TAFA1: variants seen among roughly 807,000 people sequenced by gnomAD.
The protein encoded by TAFA1 is TAFA chemokine like family member 1.
TAFA1 carries 4 observed loss-of-function variants against 18.5 expected under a neutral mutation model. That is an observed-to-expected ratio of 0.22 (90% CI 0.11 to 0.49). The LOEUF (loss-of-function observed/expected upper bound fraction) is 0.49. Ranked by LOEUF, TAFA1 falls within the 20% of genes least tolerant of loss-of-function variation. The pLI is 0.98. For synonymous variants in TAFA1, 56 were observed against 55.2 expected, an observed-to-expected ratio of 1.01 and a Z score of -0.06; for missense variants, 147 against 169.0, an observed-to-expected ratio of 0.87 and a Z score of 0.72.
chr3:68,466,742 T>C (rs532467524), intron 3 of TAFA1, among the ~76,000 whole-genome samples: 9 of 152,328 alleles, frequency 5.9e-5, no homozygotes, highest in Middle Eastern at 3.4e-3. Flanking sequence ...GGGGCAGTCA[T>C]ACTAAGATCA....
At chr3:68,433,629 C>G (rs1327715609) in intron 3 of TAFA1, among the ~76,000 whole-genome samples, 1 of 152,088 alleles carries the variant, frequency 6.6e-6, no homozygotes, top group Non-Finnish European at 1.5e-5. Context: ...TAATTCATGT[C>G]TTTTGTACTT....
rs201779002 is a variant in TAFA1 at position 68,147,021 on chromosome 3, G to A, written c.118+140277G>A. On this transcript the variant is annotated intron_variant, in intron 2 of 4. Transcript: ENST00000478136. Reference sequence around the variant, plus strand: ...ACCTCTTGTGTGTGTATATATATATGTGTGTGTGTGTGTGTGTGTATATAT... The same window carrying A: ...ACCTCTTGTGTGTGTATATATATATATGTGTGTGTGTGTGTGTGTATATAT... 1.6e-4 allele frequency among the ~76,000 whole-genome samples: 23 copies of A among 146,244 alleles called. No individual in the cohort carries two copies. The South Asian group carries it at 3.4e-3, about 22-fold the overall frequency.
intron 2 of TAFA1, among the ~76,000 whole-genome samples, chr3:68,331,075 G>T: frequency 6.6e-6 from 1 of 151,732 alleles, no homozygotes. Context: ...ACCAAAATGT[G>T]GTATATCCAT....
intron 3 of TAFA1, among the ~76,000 whole-genome samples, chr3:68,476,171 G>T (rs1176986328): frequency 1.3e-5 from 2 of 152,138 alleles, no homozygotes; most frequent in Non-Finnish European, 2.9e-5. Context: ...TGACAAATAG[G>T]ATCTAATTAA....
At chr3:68,501,491 A>T (rs553121758) in intron 3 of TAFA1, among the ~76,000 whole-genome samples, 1 of 152,336 alleles carries the variant, frequency 6.6e-6, no homozygotes, top group South Asian at 2.1e-4. Context: ...CATACTTATA[A>T]AATACTTACT....
At chr3:68,224,917 T>C (rs1006176542) in intron 2 of TAFA1, among the ~76,000 whole-genome samples, 3 of 132,294 alleles carry the variant, frequency 2.3e-5, no homozygotes, top group African/African-American at 8.6e-5. Context: ...TTTTTTTTTT[T>C]TTTTTTTTTG....
intron 3 of TAFA1, among the ~76,000 whole-genome samples, chr3:68,447,946 A>G (rs1230315444): frequency 6.6e-6 from 1 of 152,254 alleles, no homozygotes; most frequent in Non-Finnish European, 1.5e-5. Context: ...CCTATAAGAT[A>G]GGTACAAAGG....
chr3:68,013,712 T>C (rs1352502748), intron 2 of TAFA1, among the ~76,000 whole-genome samples: 1 of 152,220 alleles, frequency 6.6e-6, no homozygotes, highest in Non-Finnish European at 1.5e-5. Context: ...GTTTAAAATT[T>C]GTATAACCTA....
chr3:68,077,876 A>G (rs556559269), intron 2 of TAFA1, among the ~76,000 whole-genome samples: 1,528 of 152,088 alleles, frequency 0.01, 44 homozygotes, highest in African/African-American at 0.034. Flanking sequence ...TGGGGATGGC[A>G]TTGAATCTGT....
At chr3:68,017,854 G>A (rs1006894617) in intron 2 of TAFA1, among the ~76,000 whole-genome samples, 1 of 152,150 alleles carries the variant, frequency 6.6e-6, no homozygotes, top group Non-Finnish European at 1.5e-5. Flanking sequence ...TAACTGAATA[G>A]GGTACTATGT....
intron 2 of TAFA1, among the ~76,000 whole-genome samples, chr3:68,217,100 A>G (rs1022680971): frequency 6.6e-6 from 1 of 152,066 alleles, no homozygotes; most frequent in Non-Finnish European, 1.5e-5. Context: ...GGGAAGAATA[A>G]CTTTCCAATA....
At position 68,122,214 on chromosome 3, in the gene TAFA1, G is replaced by A. The variant is rs558258906; in HGVS notation, c.118+115470G>A. Among the ~76,000 whole-genome samples, 4 of 151,894 alleles carry A rather than the reference G, an allele frequency of 2.6e-5. No individual in the cohort carries two copies. The South Asian group carries it at 8.3e-4, about 32-fold the overall frequency. On this transcript the variant is annotated intron_variant, in intron 2 of 4. Transcript: ENST00000478136. Reference sequence around the variant, plus strand: ...CTTTATATATTTTTTTTAATTCTGAGGCTTTCTATGTAATTTAACTTTCCT... The same window carrying A: ...CTTTATATATTTTTTTTAATTCTGAAGCTTTCTATGTAATTTAACTTTCCT...
intron 3 of TAFA1, among the ~76,000 whole-genome samples, chr3:68,418,344 G>A (rs55768415): frequency 0.14 from 21,934 of 151,878 alleles, 2,110 homozygotes; most frequent in East Asian, 0.33. Context: ...AGTGGGGGTC[G>A]CAAGGTGCTC....
chr3:68,327,373 TA>T (rs1470011976), intron 2 of TAFA1, among the ~76,000 whole-genome samples: 1 of 152,172 alleles, frequency 6.6e-6, no homozygotes, highest in Admixed American at 6.5e-5. Flanking sequence ...CAGAGTTTTG[TA>T]AAAATGTATT....
chr3:68,532,128 G>A (rs769060066), intron 3 of TAFA1, among the ~76,000 whole-genome samples: 3 of 152,144 alleles, frequency 2.0e-5, no homozygotes, highest in Admixed American at 6.5e-5. Flanking sequence ...TTATTAACAT[G>A]TACATAGACA....
At chr3:68,005,102 A>C (rs980504083) in intron 1 of TAFA1, among the ~76,000 whole-genome samples, 1 of 152,138 alleles carries the variant, frequency 6.6e-6, no homozygotes, top group Non-Finnish European at 1.5e-5. Context: ...ATACATCCAC[A>C]GTCACCTCTG....
At chr3:68,113,820 G>C (rs1332240121) in intron 2 of TAFA1, among the ~76,000 whole-genome samples, 2 of 150,478 alleles carry the variant, frequency 1.3e-5, no homozygotes, top group African/African-American at 2.4e-5. Context: ...TCAAAAGGTA[G>C]AGTCTTGTGT....
At chr3:68,507,943 T>A (rs1338925126) in intron 3 of TAFA1, among the ~76,000 whole-genome samples, 1 of 152,114 alleles carries the variant, frequency 6.6e-6, no homozygotes, top group Non-Finnish European at 1.5e-5. Context: ...TACCAAAAAA[T>A]CTAAACACGT....
intron 3 of TAFA1, among the ~76,000 whole-genome samples, chr3:68,528,296 A>T (rs1008346573): frequency 7.2e-5 from 11 of 152,200 alleles, no homozygotes; most frequent in South Asian, 6.2e-4. Context: ...CTTAATCTTG[A>T]ACTAAGCAAT....
Sources: gnomAD v4.1 joint callset for allele counts (sites outside exome capture counted in the v4.1 genomes callset) on GRCh38, gnomAD v4.1.1 for gene constraint, MANE v1.5 for transcripts, NCBI Gene and HGNC (gene_info 2026-07-23, HGNC 2026-07-21) for gene names.